The following GLIS3 variants were observed in gnomAD, a reference collection of about 807,000 sequenced individuals.
The protein encoded by GLIS3 is GLIS family zinc finger 3, also known as zinc finger protein GLIS3.
In GLIS3, 53 loss-of-function variants were observed where a neutral mutation model predicts 78.6. That is an observed-to-expected ratio of 0.67 (90% CI 0.54 to 0.85). The LOEUF (loss-of-function observed/expected upper bound fraction) is 0.85. Among genes scored for constraint, GLIS3 ranks in the 40% least tolerant of loss-of-function variants. The pLI is 0.00. For synonymous variants in GLIS3, 684 were observed against 509.9 expected (o/e 1.34, Z -4.60); for missense variants, 1,703 against 1,231.1 (o/e 1.38, Z -5.74).
chr9:4,088,079 G>A (rs552640747), intron 4 of GLIS3, among the ~76,000 whole-genome samples: 44 of 152,340 alleles, frequency 2.9e-4, no homozygotes, highest in African/African-American at 1.0e-3. Flanking sequence ...GATAGCCATG[G>A]CAGATCTGGG....
intron 4 of GLIS3, among the ~76,000 whole-genome samples, chr9:3,956,124 G>C (rs1410192255): frequency 6.6e-6 from 1 of 151,396 alleles, no homozygotes; most frequent in Non-Finnish European, 1.5e-5. Flanking sequence ...AAACTCTTCT[G>C]GTTACATTAC....
intron 1 of GLIS3, among the ~76,000 whole-genome samples, chr9:4,347,794 T>G (rs911214166): frequency 1.3e-5 from 2 of 152,058 alleles, no homozygotes; most frequent in Non-Finnish European, 2.9e-5. Context: ...CAGATGAAAA[T>G]CTTAAGAATA....
At chr9:4,467,258 CT>C in the GLIS3 span, among the ~76,000 whole-genome samples, 3 of 152,168 alleles carry the variant, frequency 2.0e-5, no homozygotes, top group Non-Finnish European at 4.4e-5. Flanking sequence ...TTAAACGTCC[CT>C]GTCTGACAGC....
rs58449134 is a variant in GLIS3 at position 3,891,066 on chromosome 9, C to CAAA, written c.2128+7622_2128+7624dup. 1.8e-3 allele frequency among the ~76,000 whole-genome samples: 229 copies of CAAA among 126,852 alleles called. 7 individuals are homozygous for CAAA. The highest frequency in any genetic ancestry group is 4.6e-3 in the African/African-American group (157 of 34,326). 83.2% of individuals were successfully genotyped at this position (126,852 alleles called of 152,430 possible). A position where few individuals can be genotyped will look rare whatever the true frequency, so the allele number is the denominator to read the frequency against. On this transcript the variant is annotated intron_variant, in intron 7 of 10. Coordinates refer to ENST00000381971, the MANE Select transcript of GLIS3 (RefSeq NM_001042413.2). ...AGGCTTCCACTTTTCCTTCCTTCCT[C>CAAA]AAAAAAAAAAAAAAAGAAGAAGAAG...
chr9:3,986,920 C>A (rs1819785585), intron 4 of GLIS3, among the ~76,000 whole-genome samples: 2 of 152,278 alleles, frequency 1.3e-5, no homozygotes, highest in South Asian at 4.1e-4. Context: ...AATTTAAAAT[C>A]ACCCATCAAC....
At chr9:4,137,884 G>A (rs911670071) in intron 2 of GLIS3, among the ~76,000 whole-genome samples, 2 of 152,188 alleles carry the variant, frequency 1.3e-5, no homozygotes, top group Non-Finnish European at 2.9e-5. Context: ...ACATTTTACT[G>A]CTTCTCCCTC....
At chr9:4,251,860 A>C (rs1223606914) in intron 2 of GLIS3, among the ~76,000 whole-genome samples, 1 of 152,162 alleles carries the variant, frequency 6.6e-6, no homozygotes, top group Non-Finnish European at 1.5e-5. Flanking sequence ...TCCTTCACTT[A>C]AGAGGCTTAG....
At chr9:3,983,796 G>A (rs1387814932) in intron 4 of GLIS3, among the ~76,000 whole-genome samples, 3 of 152,296 alleles carry the variant, frequency 2.0e-5, no homozygotes, top group African/African-American at 7.2e-5. Context: ...GGTGACTTGG[G>A]TGCTGTTAAG....
chr9:4,468,606 G>A, the GLIS3 span, among the ~76,000 whole-genome samples: 3 of 152,264 alleles, frequency 2.0e-5, no homozygotes, highest in African/African-American at 4.8e-5. Flanking sequence ...GTCACCACCA[G>A]GCCTGCCTTA....
chr9:4,457,902 C>G, the GLIS3 span, among the ~76,000 whole-genome samples: 1 of 151,576 alleles, frequency 6.6e-6, no homozygotes, highest in African/African-American at 2.4e-5. Flanking sequence ...GTTAAAAATC[C>G]AAGACCTAAG....
chr9:4,149,659 T>C (rs1564120160), intron 2 of GLIS3, among the ~76,000 whole-genome samples: 2 of 152,342 alleles, frequency 1.3e-5, no homozygotes, highest in African/African-American at 2.4e-5. Context: ...TGGTTAAGTG[T>C]CTATTACATA....
At chr9:3,953,201 G>A (rs978834424) in intron 4 of GLIS3, among the ~76,000 whole-genome samples, 7 of 151,876 alleles carry the variant, frequency 4.6e-5, no homozygotes, top group Admixed American at 1.3e-4. Context: ...ATCAGGCAGG[G>A]GAAAAAAAAT....
At chr9:3,848,186 G>C (rs931613384) in intron 9 of GLIS3, among the ~76,000 whole-genome samples, 1 of 152,158 alleles carries the variant, frequency 6.6e-6, no homozygotes, top group African/African-American at 2.4e-5. Flanking sequence ...AGTGTTTACT[G>C]TCTTTAAAAT....
chr9:3,874,436 A>ATAAAC (rs1217062624), intron 8 of GLIS3, among the ~76,000 whole-genome samples: 1 of 152,204 alleles, frequency 6.6e-6, no homozygotes, highest in East Asian at 1.9e-4. Context: ...GTCCTTTATA[A>ATAAAC]TAAACTAGTA....
chr9:3,935,345 CA>C (rs1163021120), intron 5 of GLIS3, among the ~76,000 whole-genome samples: 3 of 150,806 alleles, frequency 2.0e-5, no homozygotes, highest in Non-Finnish European at 3.0e-5. Context: ...ATAATTTTTC[CA>C]AAAAAAATAG....
intron 2 of GLIS3, among the ~76,000 whole-genome samples, chr9:4,164,690 A>C (rs576040593): frequency 6.6e-6 from 1 of 152,326 alleles, no homozygotes; most frequent in Non-Finnish European, 1.5e-5. Context: ...ATTAGATGGC[A>C]AAGAACATCC....
At chr9:4,119,126 A>C (rs984341232) in intron 3 of GLIS3, among the ~76,000 whole-genome samples, 1 of 152,216 alleles carries the variant, frequency 6.6e-6, no homozygotes, top group Non-Finnish European at 1.5e-5. Context: ...CAAAAGATCT[A>C]TTGTTATAAA....
intron 4 of GLIS3, among the ~76,000 whole-genome samples, chr9:3,997,706 A>G (rs369556143): frequency 6.6e-6 from 1 of 152,096 alleles, no homozygotes; most frequent in Non-Finnish European, 1.5e-5. Flanking sequence ...AGCATAAAGG[A>G]ACTTGTTAAC....
chr9:4,125,877 G>A lies in GLIS3; in HGVS notation c.453C>T (p.Val151=). Residue 151 remains valine (V), a synonymous_variant, in exon 3 of 11, where the codon GTC becomes GTT. Transcript: ENST00000381971. ...IGKGSCNNLV[V]TSSPMMVQRL... Reference sequence around the variant, plus strand: ...GCTGAACCATCATGGGACTGCTGGTGACCACTAGATTGTTGCAGCTGCCTT... The same window carrying A: ...GCTGAACCATCATGGGACTGCTGGTAACCACTAGATTGTTGCAGCTGCCTT... The A allele has an allele frequency of 1.2e-6, 2 of 1,613,970 alleles. No homozygotes were observed. Among genetic ancestry groups the A allele is most frequent in the Non-Finnish European group, 1.7e-6 (2 of 1,179,926 alleles).
Sources: allele counts gnomAD v4.1 joint callset (sites outside exome capture counted in the v4.1 genomes callset), GRCh38; gene constraint gnomAD v4.1.1; transcripts MANE v1.5; gene names NCBI Gene and HGNC (gene_info 2026-07-23, HGNC 2026-07-21).